Variants in PIK3C2G observed in about 807,000 individuals in gnomAD.
PIK3C2G encodes phosphatidylinositol 3-kinase C2 domain-containing subunit gamma.
Under a neutral mutation model 181.1 loss-of-function variants are expected in PIK3C2G, and 168 were observed. That is an observed-to-expected ratio of 0.93 (90% CI 0.82 to 1.05). PIK3C2G has a LOEUF of 1.05. Ranked by LOEUF, PIK3C2G falls within the 50% of genes least tolerant of loss-of-function variation. The pLI is 0.00. For missense variants in PIK3C2G, 1,869 were observed against 1,732.8 expected, an observed-to-expected ratio of 1.08 and a Z score of -1.40; for synonymous variants, 573 against 592.2, an observed-to-expected ratio of 0.97 and a Z score of 0.47.
At chr12:18,517,913 C>G (rs1942654620) in intron 24 of PIK3C2G, among the ~76,000 whole-genome samples, 1 of 152,124 alleles carries the variant, frequency 6.6e-6, no homozygotes, top group Non-Finnish European at 1.5e-5. Flanking sequence ...TCCATCAATA[C>G]CAAGTTTACT....
intron 18 of PIK3C2G, among the ~76,000 whole-genome samples, chr12:18,460,557 G>C (rs1421284566): frequency 2.6e-5 from 4 of 151,068 alleles, no homozygotes; most frequent in African/African-American, 9.8e-5. Context: ...CTGGGTGACA[G>C]AGCAAGACTC....
chr12:18,548,547 C>T (rs185162160), intron 26 of PIK3C2G, among the ~76,000 whole-genome samples: 10 of 152,046 alleles, frequency 6.6e-5, no homozygotes, highest in African/African-American at 2.2e-4. Context: ...ATCTTGCCTA[C>T]GGTGACCTAT....
In PIK3C2G at chr12:18,311,805, C is replaced by T. The variant is rs1298488796; in HGVS notation, c.1035-2157C>T. ...GTTTATTAAGGAGTATTGACTTACACTGTCACAAGGTGAGATCTCACAATA... is the reference window on the plus strand; with the variant it reads ...GTTTATTAAGGAGTATTGACTTACATTGTCACAAGGTGAGATCTCACAATA... On this transcript the variant is annotated intron_variant, in intron 5 of 32. Transcript: ENST00000538779. Among the ~76,000 whole-genome samples the T allele has an allele frequency of 2.6e-5, 4 of 152,026 alleles. No homozygotes were observed. In the South Asian group the frequency reaches 6.2e-4, roughly 24 times the overall value.
At chr12:18,669,995 T>C in the PIK3C2G span, among the ~76,000 whole-genome samples, 2 of 152,002 alleles carry the variant, frequency 1.3e-5, no homozygotes, top group Admixed American at 1.3e-4. Context: ...AGGGCATTAA[T>C]CCTATCATAG....
At chr12:18,465,921 A>G (rs983377152) in intron 18 of PIK3C2G, among the ~76,000 whole-genome samples, 1 of 151,112 alleles carries the variant, frequency 6.6e-6, no homozygotes, top group African/African-American at 2.4e-5. Context: ...TACTCGCTCT[A>G]TTTTACCTGT....
At chr12:18,360,479 G>T (rs1161739218) in intron 11 of PIK3C2G, among the ~76,000 whole-genome samples, 1 of 152,164 alleles carries the variant, frequency 6.6e-6, no homozygotes, top group Non-Finnish European at 1.5e-5. Flanking sequence ...AGTTTTACAT[G>T]CTTTTGTGTT....
intron 31 of PIK3C2G, among the ~76,000 whole-genome samples, chr12:18,612,315 T>G (rs1948383208): frequency 6.6e-6 from 1 of 152,130 alleles, no homozygotes; most frequent in Admixed American, 6.6e-5. Context: ...AAGTCCTATC[T>G]GACTCCCAAA....
chr12:18,403,483 A>G (rs1395824552), intron 16 of PIK3C2G, among the ~76,000 whole-genome samples: 1 of 152,196 alleles, frequency 6.6e-6, no homozygotes, highest in Non-Finnish European at 1.5e-5. Context: ...TCTGAGAACA[A>G]ACAGTATGTG....
chr12:18,566,880 T>A (rs973883868), intron 28 of PIK3C2G, 69 bp from the exon 29 acceptor site: 2 of 804,930 alleles, frequency 2.5e-6, no homozygotes, highest in Admixed American at 1.8e-5. Context: ...TGTAACTACA[T>A]GAACAATCTT....
intron 18 of PIK3C2G, among the ~76,000 whole-genome samples, chr12:18,459,278 C>G (rs535452956): frequency 2.0e-5 from 3 of 152,222 alleles, no homozygotes; most frequent in South Asian, 4.2e-4. Context: ...TATAGAAGAG[C>G]AAGCATTTGG....
At chr12:18,695,133 G>A in the PIK3C2G span, 63 of 1,523,244 alleles carry the variant, frequency 4.1e-5, 1 homozygote, top group Non-Finnish European at 5.4e-5. Flanking sequence ...ACAAATAAAG[G>A]AACACAAACC....
Position 18,567,011 on chromosome 12 carries a change from AT to A in PIK3C2G, c.3966del (p.His1323IlefsTer7). On this transcript the variant is annotated frameshift_variant, in exon 29 of 33. Transcript: ENST00000538779. LOFTEE classifies it high-confidence loss of function. ...NSDHRRFRDL[N>X]HYMEQILNVS... Reference sequence around the variant, plus strand: ...GATCACAGAAGATTCAGAGATCTAAATCATTACATGGAACAGATATTAAATG... The same window carrying A: ...GATCACAGAAGATTCAGAGATCTAAACATTACATGGAACAGATATTAAATG... The A allele has an allele frequency of 6.3e-7, 1 of 1,587,140 alleles. No homozygotes were observed. The highest frequency in any genetic ancestry group is 1.1e-5 in the South Asian group (1 of 90,104).
chr12:18,270,536 T>A (rs1310088983), intron 1 of PIK3C2G, among the ~76,000 whole-genome samples: 1 of 152,154 alleles, frequency 6.6e-6, no homozygotes, highest in Non-Finnish European at 1.5e-5. Flanking sequence ...AGTTCCCAAG[T>A]GAGGTAAAAC....
At chr12:18,360,303 T>C (rs986445317) in intron 11 of PIK3C2G, among the ~76,000 whole-genome samples, 1 of 152,204 alleles carries the variant, frequency 6.6e-6, no homozygotes. Context: ...CTTTATGTTA[T>C]TGATGTTAAA....
chr12:18,499,137 C>T (rs1941231784), intron 22 of PIK3C2G, among the ~76,000 whole-genome samples: 1 of 152,108 alleles, frequency 6.6e-6, no homozygotes, highest in African/African-American at 2.4e-5. Context: ...AATAATTCAG[C>T]AGAAATAACT....
At chr12:18,355,363 A>G (rs1940625536) in intron 11 of PIK3C2G, among the ~76,000 whole-genome samples, 1 of 152,234 alleles carries the variant, frequency 6.6e-6, no homozygotes, top group African/African-American at 2.4e-5. Flanking sequence ...TCACTTAGAA[A>G]AGAAAAAAGA....
chr12:18,690,718 GTC>G, the PIK3C2G span, among the ~76,000 whole-genome samples: 1 of 152,136 alleles, frequency 6.6e-6, no homozygotes, highest in African/African-American at 2.4e-5. Flanking sequence ...TGATTCCTAA[GTC>G]TTGAAAACTG....
chr12:18,532,901 TCA>T lies in PIK3C2G; in HGVS notation c.3324-5254_3324-5253del, dbSNP rs1245576425. On this transcript the variant is annotated intron_variant, in intron 24 of 32. Coordinates refer to ENST00000538779, the MANE Select transcript of PIK3C2G (RefSeq NM_001288772.2). ...GTTTGCTGTTTTTTTTTTTTTTTTT[TCA>T]GCTGCCCCTTTAAAGCAGGCTTTTC... Among the ~76,000 whole-genome samples the T allele has an allele frequency of 2.1e-5, 3 of 140,152 alleles. No individual in the cohort carries two copies. In the Admixed American group the frequency reaches 2.2e-4, roughly 10 times the overall value. The allele number at this position is 140,152 out of a possible 152,430, so 91.9% of individuals were successfully genotyped here. A position where few individuals can be genotyped will look rare whatever the true frequency, so the allele number is the denominator to read the frequency against.
chr12:18,585,117 C>T (rs11044205), intron 29 of PIK3C2G, among the ~76,000 whole-genome samples: 3 of 152,142 alleles, frequency 2.0e-5, no homozygotes, highest in Non-Finnish European at 2.9e-5. Context: ...CAGTGACACT[C>T]TAAAGCAAAC....
Sources: gnomAD v4.1 joint callset for allele counts (sites outside exome capture counted in the v4.1 genomes callset) on GRCh38, gnomAD v4.1.1 for gene constraint, MANE v1.5 for transcripts, NCBI Gene and HGNC (gene_info 2026-07-23, HGNC 2026-07-21) for gene names.